NDUFB5: variants seen among roughly 807,000 people sequenced by gnomAD.
NDUFB5 encodes the protein NADH dehydrogenase [ubiquinone] 1 beta subcomplex subunit 5, mitochondrial.
In NDUFB5, 19 loss-of-function variants were observed where a neutral mutation model predicts 19.4. The ratio of observed to expected loss-of-function variants is 0.98; its 90% CI spans 0.68 to 1.43. The LOEUF (loss-of-function observed/expected upper bound fraction) is 1.43, where lower values mean the gene tolerates loss of function less well. NDUFB5 is among the 40% of genes most tolerant of loss of function. The pLI is 0.00. For missense variants in NDUFB5, 233 were observed against 236.5 expected, an observed-to-expected ratio of 0.99 and a Z score of 0.10; for synonymous variants, 80 against 82.6, an observed-to-expected ratio of 0.97 and a Z score of 0.17.
chr3:179,613,972 A>T (rs1485249304), intron 1 of NDUFB5, among the ~76,000 whole-genome samples: 1 of 152,220 alleles, frequency 6.6e-6, no homozygotes, highest in Non-Finnish European at 1.5e-5. Flanking sequence ...CAGACATTAA[A>T]CATGAACAAA....
chr3:179,618,210 CT>C (rs374405984), intron 4 of NDUFB5: 1 of 411,822 alleles, frequency 2.4e-6, no homozygotes, highest in East Asian at 4.7e-5. Flanking sequence ...AGCTACGTAA[CT>C]TTGTGCAATT....
chr3:179,608,787 A>C (rs1263197198), intron 1 of NDUFB5, among the ~76,000 whole-genome samples: 1 of 152,140 alleles, frequency 6.6e-6, no homozygotes, highest in Non-Finnish European at 1.5e-5. Flanking sequence ...AGGTTTGGGA[A>C]GTTCCTTCAG....
intron 5 of NDUFB5, among the ~76,000 whole-genome samples, chr3:179,621,018 T>C (rs1443851477): frequency 2.0e-5 from 3 of 152,168 alleles, no homozygotes; most frequent in Non-Finnish European, 4.4e-5. Flanking sequence ...ATTTCAATTT[T>C]ATATTTCTTT....
intron 1 of NDUFB5, chr3:179,607,754 G>A (rs758683177): frequency 4.7e-5 from 33 of 702,234 alleles, no homozygotes; most frequent in African/African-American, 3.8e-4. Flanking sequence ...CCCCTTCCAC[G>A]TAGCCCCTGG....
chr3:179,608,895 C>A (rs1167118750), intron 1 of NDUFB5, among the ~76,000 whole-genome samples: 3 of 152,186 alleles, frequency 2.0e-5, no homozygotes, highest in Non-Finnish European at 4.4e-5. Context: ...TTCTTTCGAA[C>A]TCCTGTCCTC....
intron 1 of NDUFB5, among the ~76,000 whole-genome samples, chr3:179,606,314 A>C (rs1346998482): frequency 6.6e-6 from 1 of 152,156 alleles, no homozygotes; most frequent in African/African-American, 2.4e-5. Context: ...TTTACTGAGC[A>C]CCTGTTACGT....
chr3:179,621,355 G>T (rs966279403), intron 5 of NDUFB5, among the ~76,000 whole-genome samples: 22 of 152,224 alleles, frequency 1.4e-4, no homozygotes, highest in African/African-American at 5.3e-4. Context: ...GAGATTACAG[G>T]CGTGAGCCAC....
intron 4 of NDUFB5, 98 bp downstream of exon 4, chr3:179,617,142 G>GA (rs1719402829): frequency 6.0e-6 from 6 of 995,854 alleles, no homozygotes; most frequent in Non-Finnish European, 8.9e-6. Context: ...CAGGTTTTTT[G>GA]TTTTGTTTTT....
At chr3:179,610,416 T>TTTGTTG (rs796104802) in intron 1 of NDUFB5, among the ~76,000 whole-genome samples, 1 of 152,060 alleles carries the variant, frequency 6.6e-6, no homozygotes, top group Non-Finnish European at 1.5e-5. Flanking sequence ...GATTGTTTGG[T>TTTGTTG]TTGTTGTTGT....
chr3:179,619,569 A>G (rs894794201), intron 5 of NDUFB5, among the ~76,000 whole-genome samples: 2 of 152,164 alleles, frequency 1.3e-5, no homozygotes, highest in Non-Finnish European at 2.9e-5. Flanking sequence ...CATGGTGTGT[A>G]TGTGCCACAT....
chr3:179,607,439 A>G (rs1374058266), intron 1 of NDUFB5, among the ~76,000 whole-genome samples: 1 of 152,208 alleles, frequency 6.6e-6, no homozygotes, highest in African/African-American at 2.4e-5. Context: ...GCTAAAGTGG[A>G]AGACACCTAA....
rs947816942 is a variant in NDUFB5, at chr3:179,626,068, C to G, written c.*2028C>G. On this transcript the variant is annotated 3_prime_UTR_variant, in exon 6 of 6. Coordinates refer to ENST00000259037, the MANE Select transcript of NDUFB5 (RefSeq NM_002492.4). ...CCTACCAATGGTGGATGAGCGTTCC[C>G]CTTTCTCCACATCCTCACAAGCATT... The G allele has an allele frequency of 3.3e-5, 5 of 152,064 alleles. No individual in the cohort carries two copies. The highest frequency in any genetic ancestry group is 1.2e-4 in the African/African-American group (5 of 41,394). The allele number at this position is 152,064 out of a possible 1,614,324, so 9.4% of individuals were successfully genotyped here. A position where few individuals can be genotyped will look rare whatever the true frequency, so the allele number is the denominator to read the frequency against.
Position 179,614,985 on chromosome 3 carries a change from AG to A in NDUFB5, c.140del (p.Ser47MetfsTer22). The A allele has an allele frequency of 6.2e-7, 1 of 1,608,868 alleles. No individual in the cohort carries two copies. The highest frequency in any genetic ancestry group is 1.7e-5 in the Admixed American group (1 of 59,968). On this transcript the variant is annotated frameshift_variant, in exon 2 of 6. Coordinates refer to ENST00000259037, the MANE Select transcript of NDUFB5 (RefSeq NM_002492.4). LOFTEE classifies it high-confidence loss of function. ...FPKAAAPVRH[S>X]GDHGKRLFVI... Reference sequence around the variant, plus strand: ...AATATTCCCAGCTCCTGTTCGACACAGTGGAGACCATGGGAAAAGACTATTT... The same window carrying A: ...AATATTCCCAGCTCCTGTTCGACACATGGAGACCATGGGAAAAGACTATTT...
At position 179,623,900 on chromosome 3, in the gene NDUFB5, T is replaced by A. The variant is rs1357205443; in HGVS notation, c.450-20T>A. The A allele has an allele frequency of 6.2e-7, 1 of 1,613,272 alleles. No homozygotes were observed. The highest frequency in any genetic ancestry group is 8.5e-7 in the Non-Finnish European group (1 of 1,179,736). The stretch of plus-strand genomic sequence containing the variant: ...ATTGGAAGTGCTGGAATCTCAATAT[T>A]GCTGTTCCATTTGTTACAGGGTAAA... On this transcript the variant is annotated intron_variant, in intron 5 of 5. Transcript: ENST00000259037.
At chr3:179,619,160 T>C (rs1351257532) in intron 5 of NDUFB5, among the ~76,000 whole-genome samples, 2 of 150,618 alleles carry the variant, frequency 1.3e-5, no homozygotes, top group Non-Finnish European at 2.9e-5. Flanking sequence ...GCTAGACACA[T>C]ATATTTTTTC....
Position 179,626,105 on chromosome 3 carries a change from CTTT to C in NDUFB5, c.*2071_*2073del, listed in dbSNP as rs1198055214. On this transcript the variant is annotated 3_prime_UTR_variant, in exon 6 of 6. Transcript: ENST00000259037. Reference sequence around the variant, plus strand: ...TCCTCACAAGCATTTGTTATTTTTTCTTTTTTTTCAAATGAACATTTTAACTGG... The same window carrying C: ...TCCTCACAAGCATTTGTTATTTTTTCTTTTTCAAATGAACATTTTAACTGG... 1 of 151,732 alleles carries C rather than the reference CTTT, an allele frequency of 6.6e-6. No individual in the cohort carries two copies. The highest frequency in any genetic ancestry group is 3.2e-3 in the Middle Eastern group (1 of 316). 9.4% of individuals were successfully genotyped at this position (151,732 alleles called of 1,614,324 possible).
intron 1 of NDUFB5, among the ~76,000 whole-genome samples, chr3:179,611,670 G>A (rs1418201583): frequency 2.0e-5 from 3 of 152,030 alleles, no homozygotes; most frequent in African/African-American, 7.2e-5. Context: ...AAAGTGCTGG[G>A]ATTACAGGTG....
At position 179,614,999 on chromosome 3, in the gene NDUFB5, G is replaced by GA. The variant is rs772391657; in HGVS notation, c.157dup (p.Arg53LysfsTer9). 6.2e-7 allele frequency: 1 copy of GA among 1,610,042 alleles called. No homozygotes were observed. Among genetic ancestry groups the GA allele is most frequent in the South Asian group, 1.1e-5 (1 of 90,534 alleles). On this transcript the variant is annotated frameshift_variant, in exon 2 of 6. Transcript: ENST00000259037. LOFTEE classifies it high-confidence loss of function. Reference sequence around the variant, plus strand: ...CTGTTCGACACAGTGGAGACCATGGGAAAAGACTATTTGTCATCAGACCTT... The same window carrying GA: ...CTGTTCGACACAGTGGAGACCATGGGAAAAAGACTATTTGTCATCAGACCTT...
rs747268642 is a variant in NDUFB5, at chr3:179,615,072, T to A, written c.213+13T>A. 8.8e-6 allele frequency: 14 copies of A among 1,584,560 alleles called. No homozygotes were observed. In the East Asian group the frequency reaches 3.1e-4, roughly 36 times the overall value. On this transcript the variant is annotated intron_variant, in intron 2 of 5. Coordinates refer to ENST00000259037, the MANE Select transcript of NDUFB5 (RefSeq NM_002492.4). Reference sequence around the variant, plus strand: ...TTTGAAGTTATTGGTAAGTTTAAATTTTTTGTTGAATTAAAGTCTTTGCAT... The same window carrying A: ...TTTGAAGTTATTGGTAAGTTTAAATATTTTGTTGAATTAAAGTCTTTGCAT...
Sources: gnomAD v4.1 joint callset for allele counts (sites outside exome capture counted in the v4.1 genomes callset) on GRCh38, gnomAD v4.1.1 for gene constraint, MANE v1.5 for transcripts, NCBI Gene and HGNC (gene_info 2026-07-23, HGNC 2026-07-21) for gene names.